BLNK: variants seen among roughly 807,000 people sequenced by gnomAD.
BLNK encodes B-cell linker protein.
BLNK carries 29 observed loss-of-function variants against 73.5 expected under a neutral mutation model. The observed-to-expected ratio is 0.39, with a 90% confidence interval of 0.29 to 0.54. The LOEUF is 0.54. Among genes scored for constraint, BLNK ranks in the 20% least tolerant of loss-of-function variants. The pLI, the probability that BLNK is intolerant of heterozygous loss-of-function variation, is 0.61. For synonymous variants in BLNK, 176 were observed against 200.8 expected (o/e 0.88, Z 1.04); for missense variants, 460 against 562.8 (o/e 0.82, Z 1.85).
intron 2 of BLNK, among the ~76,000 whole-genome samples, chr10:96,245,620 T>A (rs1843014760): frequency 6.6e-6 from 1 of 152,182 alleles, no homozygotes; most frequent in East Asian, 1.9e-4. Flanking sequence ...TATTAAATCA[T>A]CTGTTCAGAA....
chr10:96,255,525 G>A (rs929109089), intron 1 of BLNK, among the ~76,000 whole-genome samples: 4 of 152,076 alleles, frequency 2.6e-5, no homozygotes, highest in African/African-American at 9.6e-5. Context: ...AGAAAGGGTG[G>A]AATGCAAAGT....
In BLNK at chr10:96,247,019, T is replaced by C; in HGVS notation, c.78A>G (p.Lys26=). 1 of 1,608,316 alleles carries C rather than the reference T, an allele frequency of 6.2e-7. No individual in the cohort carries two copies. The highest frequency in any genetic ancestry group is 8.5e-7 in the Non-Finnish European group (1 of 1,176,676). Residue 26 remains lysine, a synonymous_variant, in exon 2 of 17, where the codon AAA becomes AAG. Transcript: ENST00000224337. ...TATTCATTATTCCACCTTCATTGTT[T>C]TTAATATCATGGACCATCTTTTGAA... ...RQLQKMVHDI[K]NNEGGIMNKI...
chr10:96,230,007 A>T (rs1554903643), intron 4 of BLNK, among the ~76,000 whole-genome samples: 1 of 152,130 alleles, frequency 6.6e-6, no homozygotes, highest in Non-Finnish European at 1.5e-5. Context: ...TGAAATGGGT[A>T]TGTGGTTGTA....
At position 96,227,420 on chromosome 10, in the gene BLNK, G is replaced by A. The variant is rs781863601; in HGVS notation, c.351C>T (p.Gly117=). The A allele has an allele frequency of 3.7e-6, 6 of 1,613,780 alleles. No individual in the cohort carries two copies. The highest frequency in any genetic ancestry group is 2.7e-5 in the African/African-American group (2 of 74,938). The change falls in exon 5 of 17, where the codon GGC becomes GGT. Residue 117 remains glycine (G), a synonymous_variant. Coordinates refer to ENST00000224337, the MANE Select transcript of BLNK (RefSeq NM_013314.4). ...TGCGGGGGACCTCACCTATATACTC[G>A]CCTCTGGCGAAGGGCAGGGCTGGGT... The part of the protein sequence containing the change: ...PVHPALPFAR[G]EYIDNRSSQR...
At chr10:96,234,644 T>C (rs1349808860) in intron 3 of BLNK, among the ~76,000 whole-genome samples, 1 of 152,216 alleles carries the variant, frequency 6.6e-6, no homozygotes, top group African/African-American at 2.4e-5. Flanking sequence ...AAAATACATC[T>C]GAAGCTCTTA....
Position 96,204,621 on chromosome 10 carries a change from A to G in BLNK, c.818-5T>C. 6.2e-7 allele frequency: 1 copy of G among 1,613,624 alleles called. No homozygotes were observed. The highest frequency in any genetic ancestry group is 8.5e-7 in the Non-Finnish European group (1 of 1,179,582). Reference sequence around the variant, plus strand: ...GTTCAGCAGGTATAGGTTTTTCTGGATCAGGAAAATTATCATATTAGGATT... The same window carrying G: ...GTTCAGCAGGTATAGGTTTTTCTGGGTCAGGAAAATTATCATATTAGGATT... On this transcript the variant is annotated splice_polypyrimidine_tract_variant and splice_region_variant and intron_variant, in intron 11 of 16. Transcript: ENST00000224337.
At position 96,200,129 on chromosome 10, in the gene BLNK, A is replaced by G. The variant is rs587691913; in HGVS notation, c.1041T>C (p.Tyr347=). 16 of 1,614,180 alleles carry G rather than the reference A, an allele frequency of 9.9e-6. No individual in the cohort carries two copies. The Admixed American group carries it at 2.3e-4, about 24-fold the overall frequency. The change falls in exon 15 of 17, where the codon TAT becomes TAC. Residue 347 remains tyrosine, a synonymous_variant. Coordinates refer to ENST00000224337, the MANE Select transcript of BLNK (RefSeq NM_013314.4). The surrounding 1 kb of genome is among the most constrained non-coding windows in gnomAD (Gnocchi z 4.3). ...QEAGVLCKPW[Y]AGACDRKSAE... is the part of the protein sequence containing the mutation. ...CAGACTTTCGATCACAGGCTCCAGC[A>G]TACCATGGCTTGCAGAGAACGCCAG... is the stretch of plus-strand genomic sequence containing the variant.
intron 15 of BLNK, 109 bp from the exon 16 acceptor site, chr10:96,197,172 T>G: frequency 1.3e-6 from 1 of 795,514 alleles, no homozygotes; most frequent in Non-Finnish European, 1.9e-6. Context: ...CAAAGGTAAA[T>G]TATTTAGCTA....
intron 8 of BLNK, among the ~76,000 whole-genome samples, chr10:96,211,899 G>A (rs781823177): frequency 2.6e-5 from 4 of 152,182 alleles, no homozygotes; most frequent in Non-Finnish European, 2.9e-5. Flanking sequence ...AAGATCTCAG[G>A]GAAGTGGAAC....
At chr10:96,250,760 A>C (rs1843250860) in intron 1 of BLNK, among the ~76,000 whole-genome samples, 1 of 152,238 alleles carries the variant, frequency 6.6e-6, no homozygotes, top group Non-Finnish European at 1.5e-5. Flanking sequence ...TCATTTGCTC[A>C]ATTTGGCATT....
At chr10:96,247,587 A>C (rs1843101484) in intron 1 of BLNK, among the ~76,000 whole-genome samples, 1 of 152,174 alleles carries the variant, frequency 6.6e-6, no homozygotes, top group Non-Finnish European at 1.5e-5. Context: ...ACCTAAGGCC[A>C]ATTTGCACTG....
At chr10:96,214,138 A>ATGTGTG (rs145503971) in intron 8 of BLNK, among the ~76,000 whole-genome samples, 1 of 151,584 alleles carries the variant, frequency 6.6e-6, no homozygotes, top group African/African-American at 2.4e-5. Flanking sequence ...GTGTGTATGA[A>ATGTGTG]TGTGTGTGTG....
At chr10:96,257,042 C>G (rs1417071988) in intron 1 of BLNK, among the ~76,000 whole-genome samples, 1 of 152,054 alleles carries the variant, frequency 6.6e-6, no homozygotes, top group Non-Finnish European at 1.5e-5. Context: ...GGGTGAGGAA[C>G]AGCAGCCAGG....
chr10:96,210,232 G>A, intron 8 of BLNK: 2 of 395,034 alleles, frequency 5.1e-6, no homozygotes, highest in South Asian at 4.4e-5. Flanking sequence ...GACTCAGTGA[G>A]GACCCCCACA....
chr10:96,271,403 T>C lies in BLNK; in HGVS notation c.-5A>G, dbSNP rs7916154. 14,147 of 1,613,946 alleles carry C rather than the reference T, an allele frequency of 8.8e-3. 419 individuals are homozygous for C. In the African/African-American group the frequency reaches 0.094, roughly 11 times the overall value. On this transcript the variant is annotated 5_prime_UTR_variant, in exon 1 of 17. Coordinates refer to ENST00000224337, the MANE Select transcript of BLNK (RefSeq NM_013314.4). ...TATTTTATTAAGCTTGTCCATTCTG[T>C]TTGGTAATTGTAAGAGACACGAATA...
In BLNK at chr10:96,191,826, G is replaced by T; in HGVS notation, c.*147C>A. 9.4e-7 allele frequency: 1 copy of T among 1,069,246 alleles called. No homozygotes were observed. The highest frequency in any genetic ancestry group is 1.4e-6 in the Non-Finnish European group (1 of 716,514). 66.2% of individuals were successfully genotyped at this position (1,069,246 alleles called of 1,614,324 possible). ...CCACATGAGCTTCTTAAAAAGAAATGGATGACCACTTCAATAGCTGACTCC... is the reference window on the plus strand; with the variant it reads ...CCACATGAGCTTCTTAAAAAGAAATTGATGACCACTTCAATAGCTGACTCC... On this transcript the variant is annotated 3_prime_UTR_variant, in exon 17 of 17. Coordinates refer to ENST00000224337, the MANE Select transcript of BLNK (RefSeq NM_013314.4).
At chr10:96,265,112 C>T (rs112043851) in intron 1 of BLNK, among the ~76,000 whole-genome samples, 224 of 129,888 alleles carry the variant, frequency 1.7e-3, no homozygotes, top group Non-Finnish European at 2.5e-3. Context: ...CATGCCACCA[C>T]ACCAGACTTA....
At chr10:96,219,342 G>C (rs1171753357) in intron 6 of BLNK, among the ~76,000 whole-genome samples, 1 of 152,134 alleles carries the variant, frequency 6.6e-6, no homozygotes, top group South Asian at 2.1e-4. Flanking sequence ...TCACCTTTTC[G>C]GATTCATTAG....
intron 6 of BLNK, among the ~76,000 whole-genome samples, chr10:96,219,950 T>G (rs1554900738): frequency 6.6e-6 from 1 of 152,160 alleles, no homozygotes; most frequent in East Asian, 1.9e-4. Flanking sequence ...GGCTCTGTCT[T>G]CCCCTCTCTT....
Sources: allele counts gnomAD v4.1 joint callset (sites outside exome capture counted in the v4.1 genomes callset), GRCh38; gene constraint gnomAD v4.1.1; non-coding constraint Gnocchi (gnomAD v3.1); transcripts MANE v1.5; gene names NCBI Gene and HGNC (gene_info 2026-07-23, HGNC 2026-07-21).